The following LSAMP variants were observed in gnomAD, a reference collection of about 807,000 sequenced individuals.
LSAMP encodes limbic system associated membrane protein, also known as limbic system-associated membrane protein.
Under a neutral mutation model 38.6 loss-of-function variants are expected in LSAMP, and 7 were observed. The observed-to-expected ratio is 0.18, with a 90% confidence interval of 0.10 to 0.34. The LOEUF (loss-of-function observed/expected upper bound fraction) is 0.34, where lower values mean the gene tolerates loss of function less well. LSAMP is among the 10% of genes least tolerant of loss of function. The pLI is 1.00. For synonymous variants in LSAMP, 154 were observed against 166.8 expected, an observed-to-expected ratio of 0.92 and a Z score of 0.59; for missense variants, 313 against 420.0, an observed-to-expected ratio of 0.75 and a Z score of 2.23.
chr3:116,172,642 G>T lies in LSAMP; in HGVS notation c.156-86086C>A, dbSNP rs146083912. Reference sequence around the variant, plus strand: ...TAAGGGATAGAAATATAAGCACCTAGTTTCTCTCAATTCTTCTCTCAAGAA... The same window carrying T: ...TAAGGGATAGAAATATAAGCACCTATTTTCTCTCAATTCTTCTCTCAAGAA... On this transcript the variant is annotated intron_variant, in intron 1 of 6. Coordinates refer to ENST00000490035, the MANE Select transcript of LSAMP (RefSeq NM_002338.5). Among the ~76,000 whole-genome samples the T allele has an allele frequency of 8.2e-3, 1,244 of 151,922 alleles. 18 individuals are homozygous for T. Among genetic ancestry groups the T allele is most frequent in the African/African-American group, 0.028 (1,168 of 41,476 alleles).
At chr3:115,897,445 G>C (rs1479233459) in intron 3 of LSAMP, among the ~76,000 whole-genome samples, 2 of 152,052 alleles carry the variant, frequency 1.3e-5, no homozygotes, top group African/African-American at 2.4e-5. Flanking sequence ...GAGAAGAGGA[G>C]AGGAACTGAA....
chr3:116,099,764 A>G (rs893027922), intron 1 of LSAMP, among the ~76,000 whole-genome samples: 1 of 151,968 alleles, frequency 6.6e-6, no homozygotes, highest in Non-Finnish European at 1.5e-5. Context: ...CAATTTCTCA[A>G]TTTCCATAAT....
intron 6 of LSAMP, among the ~76,000 whole-genome samples, chr3:115,818,790 TTATATA>T (rs66654115): frequency 0.42 from 29,435 of 69,850 alleles, 5,869 homozygotes; most frequent in Middle Eastern, 0.54. Context: ...AGTTGTACTT[TTATATA>T]TATATATATA....
chr3:116,385,031 T>C (rs1194402504), intron 1 of LSAMP, among the ~76,000 whole-genome samples: 1 of 151,910 alleles, frequency 6.6e-6, no homozygotes, highest in Admixed American at 6.6e-5. Context: ...GCATGTAAGT[T>C]ACTGAGCTTC....
chr3:116,311,830 C>T (rs2047561755), intron 1 of LSAMP, among the ~76,000 whole-genome samples: 1 of 152,154 alleles, frequency 6.6e-6, no homozygotes, highest in Admixed American at 6.5e-5. Flanking sequence ...CCAGCAGTAG[C>T]AGTGGTAGTA....
chr3:116,328,898 T>C (rs1299884476), intron 1 of LSAMP, among the ~76,000 whole-genome samples: 1 of 152,142 alleles, frequency 6.6e-6, no homozygotes, highest in East Asian at 1.9e-4. Context: ...ATGACAACTA[T>C]ATAGGACCAT....
intron 3 of LSAMP, among the ~76,000 whole-genome samples, chr3:115,939,257 T>G (rs1576237344): frequency 6.6e-6 from 1 of 152,170 alleles, no homozygotes; most frequent in East Asian, 1.9e-4. Context: ...GAAGATTTTT[T>G]ATTTTATAAT....
At chr3:115,968,363 A>G (rs1054902229) in intron 3 of LSAMP, among the ~76,000 whole-genome samples, 6 of 152,018 alleles carry the variant, frequency 3.9e-5, no homozygotes, top group Admixed American at 2.0e-4. Flanking sequence ...CTATCTGGGT[A>G]TTGCTGCTGA....
intron 1 of LSAMP, among the ~76,000 whole-genome samples, chr3:116,399,604 T>C (rs1010971034): frequency 2.0e-5 from 3 of 151,190 alleles, no homozygotes; most frequent in African/African-American, 7.3e-5. Context: ...ATCACAGAGG[T>C]TTTGTCAATA....
intron 1 of LSAMP, among the ~76,000 whole-genome samples, chr3:116,117,720 T>G (rs1446113220): frequency 6.6e-6 from 1 of 152,042 alleles, no homozygotes; most frequent in Non-Finnish European, 1.5e-5. Context: ...ATTTGTCTAA[T>G]TTTTTTTCAT....
At chr3:115,944,973 A>C (rs919443782) in intron 3 of LSAMP, among the ~76,000 whole-genome samples, 5 of 152,110 alleles carry the variant, frequency 3.3e-5, no homozygotes, top group Non-Finnish European at 4.4e-5. Flanking sequence ...ATGTTGCTTC[A>C]AGGCTGATAT....
chr3:116,308,098 C>T (rs921586996), intron 1 of LSAMP, among the ~76,000 whole-genome samples: 11 of 151,920 alleles, frequency 7.2e-5, no homozygotes, highest in Non-Finnish European at 1.6e-4. Context: ...AACTTGCTCA[C>T]GCTGTTTCTT....
intron 3 of LSAMP, among the ~76,000 whole-genome samples, chr3:115,948,438 A>G (rs1938173380): frequency 6.6e-6 from 1 of 152,218 alleles, no homozygotes; most frequent in African/African-American, 2.4e-5. Context: ...ATCCTCTCAG[A>G]CCACAGTGAA....
At chr3:116,154,661 C>G (rs1456834153) in intron 1 of LSAMP, among the ~76,000 whole-genome samples, 1 of 152,056 alleles carries the variant, frequency 6.6e-6, no homozygotes, top group Non-Finnish European at 1.5e-5. Flanking sequence ...TCAAGCACAC[C>G]TTGCTCCCTT....
intron 1 of LSAMP, among the ~76,000 whole-genome samples, chr3:116,103,181 G>A (rs1004580208): frequency 1.8e-4 from 27 of 152,084 alleles, no homozygotes; most frequent in African/African-American, 6.3e-4. Context: ...AATAGACAGT[G>A]TAGACTGGGC....
chr3:116,153,450 A>C (rs1709668341), intron 1 of LSAMP, among the ~76,000 whole-genome samples: 1 of 152,174 alleles, frequency 6.6e-6, no homozygotes, highest in South Asian at 2.1e-4. Context: ...AGAAAAGATG[A>C]CTTATCAAAC....
chr3:115,992,088 A>G (rs1351456370), intron 3 of LSAMP, among the ~76,000 whole-genome samples: 4 of 152,094 alleles, frequency 2.6e-5, no homozygotes, highest in African/African-American at 9.7e-5. Context: ...GTATACTTTG[A>G]GAAGAAAATG....
intron 1 of LSAMP, among the ~76,000 whole-genome samples, chr3:116,240,675 G>A (rs1033103204): frequency 3.3e-5 from 5 of 152,116 alleles, no homozygotes; most frequent in African/African-American, 1.2e-4. Flanking sequence ...CATGTCCATG[G>A]ACTGTTGGAC....
intron 1 of LSAMP, among the ~76,000 whole-genome samples, chr3:116,344,755 G>A (rs1378651437): frequency 6.6e-6 from 1 of 152,102 alleles, no homozygotes; most frequent in African/African-American, 2.4e-5. Flanking sequence ...TTACCCTAAT[G>A]TTAAAGAAGA....
Sources: gnomAD v4.1 joint callset for allele counts (sites outside exome capture counted in the v4.1 genomes callset) on GRCh38, gnomAD v4.1.1 for gene constraint, MANE v1.5 for transcripts, NCBI Gene and HGNC (gene_info 2026-07-23, HGNC 2026-07-21) for gene names.